ASAP1: variants seen among roughly 807,000 people sequenced by gnomAD.
ASAP1 encodes arf-GAP with SH3 domain, ANK repeat and PH domain-containing protein 1.
In ASAP1, 43 loss-of-function variants were observed where a neutral mutation model predicts 145.2. The observed-to-expected ratio is 0.30, with a 90% CI of 0.23 to 0.38. ASAP1 has a LOEUF of 0.38. Among genes scored for constraint, ASAP1 ranks in the 10% least tolerant of loss-of-function variants. The pLI is 1.00. For synonymous variants in ASAP1, 546 were observed against 515.5 expected, an observed-to-expected ratio of 1.06 and a Z score of -0.80; for missense variants, 1,018 against 1,355.3, an observed-to-expected ratio of 0.75 and a Z score of 3.91.
chr8:130,071,346 G>A (rs1208275707), intron 27 of ASAP1, among the ~76,000 whole-genome samples: 1 of 152,198 alleles, frequency 6.6e-6, no homozygotes, highest in Non-Finnish European at 1.5e-5. Flanking sequence ...CAAAATTCCT[G>A]AGGGCATCAT....
chr8:130,199,147 C>T (rs1397505546), intron 5 of ASAP1, among the ~76,000 whole-genome samples: 1 of 152,214 alleles, frequency 6.6e-6, no homozygotes, highest in Non-Finnish European at 1.5e-5. Context: ...CTCACTTTCA[C>T]AGAGTACTGC....
At chr8:130,290,472 A>C (rs2137294723) in intron 3 of ASAP1, among the ~76,000 whole-genome samples, 1 of 152,288 alleles carries the variant, frequency 6.6e-6, no homozygotes, top group South Asian at 2.1e-4. Flanking sequence ...CTCTTTTCTA[A>C]CTGTAGGATC....
At chr8:130,403,318 A>C (rs1565287051) in intron 1 of ASAP1, among the ~76,000 whole-genome samples, 1 of 151,912 alleles carries the variant, frequency 6.6e-6, no homozygotes, top group Non-Finnish European at 1.5e-5. Flanking sequence ...CCCAGATCCA[A>C]ATAAGACTGA....
chr8:130,179,245 C>T lies in ASAP1; in HGVS notation c.746+19G>A, dbSNP rs764756732. On this transcript the variant is annotated intron_variant, in intron 9 of 29. Coordinates refer to ENST00000518721, the MANE Select transcript of ASAP1 (RefSeq NM_018482.4). ...GGCAGTAATTGGGCTAATAACAATG[C>T]TTGCAATATTCTACTCACTTGCACT... 32 of 1,507,822 alleles carry T rather than the reference C, an allele frequency of 2.1e-5. No homozygotes were observed. The highest frequency in any genetic ancestry group is 2.7e-5 in the Non-Finnish European group (29 of 1,087,314). The allele number at this position is 1,507,822 out of a possible 1,614,324, so 93.4% of individuals were successfully genotyped here. A position where few individuals can be genotyped will look rare whatever the true frequency, so the allele number is the denominator to read the frequency against.
chr8:130,228,157 A>C (rs911727621), intron 4 of ASAP1, among the ~76,000 whole-genome samples: 10 of 152,224 alleles, frequency 6.6e-5, no homozygotes, highest in African/African-American at 2.4e-4. Flanking sequence ...TGAGAAACGA[A>C]GGACTTGTTA....
At position 130,198,892 on chromosome 8, in the gene ASAP1, G is replaced by A. The variant is rs550156757; in HGVS notation, c.406-10709C>T. ...CCCACTGAACTACACTCATATCCAA[G>A]CTCCCAATTTAGCTCTGGCCCTGCC... On this transcript the variant is annotated intron_variant, in intron 5 of 29. Coordinates refer to ENST00000518721, the MANE Select transcript of ASAP1 (RefSeq NM_018482.4). 3.9e-5 allele frequency among the ~76,000 whole-genome samples: 6 copies of A among 152,184 alleles called. No homozygotes were observed. The East Asian group carries it at 9.6e-4, about 24-fold the overall frequency.
At chr8:130,218,092 G>A (rs1012678311) in intron 4 of ASAP1, among the ~76,000 whole-genome samples, 2 of 151,892 alleles carry the variant, frequency 1.3e-5, no homozygotes, top group African/African-American at 2.4e-5. Flanking sequence ...AAGGCCACAC[G>A]AGCTCAACCG....
At chr8:130,265,037 C>T (rs1820159466) in intron 3 of ASAP1, among the ~76,000 whole-genome samples, 1 of 152,124 alleles carries the variant, frequency 6.6e-6, no homozygotes, top group East Asian at 1.9e-4. Context: ...AGAAAAAGAT[C>T]TTTCAAAGAA....
intron 3 of ASAP1, among the ~76,000 whole-genome samples, chr8:130,300,153 C>CACACACACACAGAGAG (rs1196584279): frequency 1.3e-5 from 1 of 76,890 alleles, no homozygotes. Flanking sequence ...CACACACACA[C>CACACACACACAGAGAG]AGAGAGAGAG....
intron 3 of ASAP1, among the ~76,000 whole-genome samples, chr8:130,344,538 A>G (rs982793753): frequency 1.3e-5 from 2 of 152,348 alleles, no homozygotes; most frequent in South Asian, 2.1e-4. Flanking sequence ...TGATAGTTAC[A>G]TGTCGCTCTG....
Position 130,100,578 on chromosome 8 carries a change from C to T in ASAP1, c.2402-8435G>A, listed in dbSNP as rs1413589706. ...CCCTGACCTCAGGCAATCTACCCAC[C>T]TCGGCCTCCCAACGTGCTGGGATTA... On this transcript the variant is annotated intron_variant, in intron 24 of 29. Coordinates refer to ENST00000518721, the MANE Select transcript of ASAP1 (RefSeq NM_018482.4). Among the ~76,000 whole-genome samples the T allele has an allele frequency of 2.0e-5, 3 of 152,190 alleles. No homozygotes were observed. The East Asian group carries it at 5.8e-4, about 29-fold the overall frequency.
At chr8:130,364,653 C>T (rs796480900) in intron 2 of ASAP1, among the ~76,000 whole-genome samples, 10 of 152,314 alleles carry the variant, frequency 6.6e-5, no homozygotes, top group African/African-American at 2.4e-4. Context: ...GCAAGCTTGA[C>T]TGGTCTAGAG....
At position 130,255,607 on chromosome 8, in the gene ASAP1, C is replaced by T. The variant is rs73427361; in HGVS notation, c.187-18613G>A. Among the ~76,000 whole-genome samples, 960 of 152,108 alleles carry T rather than the reference C, an allele frequency of 6.3e-3. 9 individuals are homozygous for T. Among genetic ancestry groups the T allele is most frequent in the African/African-American group, 0.022 (930 of 41,506 alleles). On this transcript the variant is annotated intron_variant, in intron 3 of 29. Coordinates refer to ENST00000518721, the MANE Select transcript of ASAP1 (RefSeq NM_018482.4). ...CATTAATGGTACTGATTATAAAAGC[C>T]TAATTTTCAGGATGAATGTCAAATA...
chr8:130,140,302 T>G lies in ASAP1; in HGVS notation c.1081-3264A>C, dbSNP rs937389605. On this transcript the variant is annotated intron_variant, in intron 13 of 29. Coordinates refer to ENST00000518721, the MANE Select transcript of ASAP1 (RefSeq NM_018482.4). ...GTGATCTGTCAGCCTCAAGTGAGAT[T>G]ATAGGCGTGAGGCACCATGCTGGCC... Among the ~76,000 whole-genome samples the G allele has an allele frequency of 3.9e-5, 6 of 152,078 alleles. No individual in the cohort carries two copies. The East Asian group carries it at 1.2e-3, about 29-fold the overall frequency.
At position 130,390,551 on chromosome 8, in the gene ASAP1, C is replaced by T. The variant is rs926229127; in HGVS notation, c.59+11334G>A. 3.9e-5 allele frequency among the ~76,000 whole-genome samples: 6 copies of T among 152,310 alleles called. No homozygotes were observed. In the South Asian group the frequency reaches 1.0e-3, roughly 26 times the overall value. On this transcript the variant is annotated intron_variant, in intron 2 of 29. Transcript: ENST00000518721. ...ATTACCTGTTAGATATCTATTTCCC[C>T]TGACATACTCTGAGTGCCGTGAAGG...
chr8:130,393,754 T>C (rs945806078), intron 2 of ASAP1, among the ~76,000 whole-genome samples: 1 of 152,208 alleles, frequency 6.6e-6, no homozygotes, highest in African/African-American at 2.4e-5. Flanking sequence ...AGACTCTGTG[T>C]TGCGGGAAGT....
intron 5 of ASAP1, among the ~76,000 whole-genome samples, chr8:130,196,514 ACAGT>A (rs766107114): frequency 4.9e-4 from 75 of 152,348 alleles, no homozygotes; most frequent in Non-Finnish European, 9.7e-4. Flanking sequence ...TGGCAGAAAG[ACAGT>A]CAGTCAGCAG....
intron 3 of ASAP1, among the ~76,000 whole-genome samples, chr8:130,294,320 GT>G (rs1455671499): frequency 1.4e-4 from 21 of 152,194 alleles, no homozygotes; most frequent in African/African-American, 3.9e-4. Flanking sequence ...GCCACGGAGC[GT>G]CAGAAAGGTG....
In ASAP1 at chr8:130,120,051, T is replaced by C. The variant is rs546412090; in HGVS notation, c.1608-1376A>G. 3.9e-5 allele frequency among the ~76,000 whole-genome samples: 6 copies of C among 152,340 alleles called. 1 individual carries two copies. In the South Asian group the frequency reaches 1.2e-3, roughly 32 times the overall value. The stretch of plus-strand genomic sequence containing the variant: ...CATTTTGGGTTGGCAGTAAAAACAG[T>C]TGAGCTGGTTGATGATGGCACACAG... On this transcript the variant is annotated intron_variant, in intron 18 of 29. Coordinates refer to ENST00000518721, the MANE Select transcript of ASAP1 (RefSeq NM_018482.4).
Sources: gnomAD v4.1 joint callset for allele counts (sites outside exome capture counted in the v4.1 genomes callset) on GRCh38, gnomAD v4.1.1 for gene constraint, MANE v1.5 for transcripts, NCBI Gene and HGNC (gene_info 2026-07-23, HGNC 2026-07-21) for gene names.